Variants in UGGT2 observed in about 807,000 individuals in gnomAD.
The protein encoded by UGGT2 is UDP-glucose glycoprotein glucosyltransferase 2.
In UGGT2, 180 loss-of-function variants were observed where a neutral mutation model predicts 192.1. The ratio of observed to expected loss-of-function variants is 0.94; its 90% CI spans 0.83 to 1.06. The LOEUF (loss-of-function observed/expected upper bound fraction) is 1.06, where lower values mean the gene tolerates loss of function less well. Ranked by LOEUF, UGGT2 falls within the 50% of genes least tolerant of loss-of-function variation. UGGT2 has a pLI of 0.00. For missense variants in UGGT2, 1,849 were observed against 1,795.7 expected, an observed-to-expected ratio of 1.03 and a Z score of -0.54; for synonymous variants, 580 against 591.0, an observed-to-expected ratio of 0.98 and a Z score of 0.27.
At chr13:95,989,558 T>A (rs1306675100) in intron 8 of UGGT2, 1 of 400,784 alleles carries the variant, frequency 2.5e-6, no homozygotes, top group Non-Finnish European at 5.2e-6. Context: ...ATGTTTCCAT[T>A]AAACATTTAT....
chr13:95,849,895 G>T (rs1158600592), intron 36 of UGGT2, among the ~76,000 whole-genome samples: 4 of 146,430 alleles, frequency 2.7e-5, no homozygotes, highest in Non-Finnish European at 6.0e-5. Context: ...CTTTGACCTT[G>T]CTATAATCCC....
chr13:95,923,556 C>T (rs899373408), intron 20 of UGGT2, among the ~76,000 whole-genome samples: 3 of 151,710 alleles, frequency 2.0e-5, no homozygotes, highest in East Asian at 1.9e-4. Flanking sequence ...TTAGTGGAGA[C>T]AAAGTCATTT....
chr13:95,856,821 G>C (rs1703970692), intron 33 of UGGT2: 2 of 213,580 alleles, frequency 9.4e-6, no homozygotes, highest in Non-Finnish European at 1.9e-5. Context: ...CTTCATGTTT[G>C]AGATATATCA....
chr13:96,033,058 G>A (rs1046692222), intron 1 of UGGT2, among the ~76,000 whole-genome samples: 1 of 152,132 alleles, frequency 6.6e-6, no homozygotes, highest in African/African-American at 2.4e-5. Flanking sequence ...CAAAGTGATC[G>A]CCTTAAGAAA....
chr13:95,890,699 C>A (rs539392336), intron 25 of UGGT2, among the ~76,000 whole-genome samples, 163 bp downstream of exon 25: 3 of 152,232 alleles, frequency 2.0e-5, no homozygotes, highest in African/African-American at 7.2e-5. Context: ...CATAACAACA[C>A]CCTGTGCACA....
At chr13:96,000,234 T>C (rs555327524) in intron 5 of UGGT2, among the ~76,000 whole-genome samples, 4 of 152,178 alleles carry the variant, frequency 2.6e-5, no homozygotes, top group African/African-American at 4.8e-5. Flanking sequence ...TTTTGCATGA[T>C]AGAGGAAAAG....
intron 27 of UGGT2, among the ~76,000 whole-genome samples, chr13:95,882,674 T>C (rs939887444): frequency 2.0e-5 from 3 of 152,206 alleles, no homozygotes; most frequent in African/African-American, 7.2e-5. Flanking sequence ...ACTTCAGAGT[T>C]AGAGCTAGTG....
intron 13 of UGGT2, 100 bp from the exon 14 acceptor site, chr13:95,948,181 G>C (rs559627477): frequency 5.2e-6 from 4 of 765,180 alleles, no homozygotes; most frequent in South Asian, 5.2e-5. Flanking sequence ...GAAATTCAAT[G>C]TGTAATTTTT....
chr13:95,851,141 C>T (rs1245230534), intron 36 of UGGT2, among the ~76,000 whole-genome samples: 1 of 152,170 alleles, frequency 6.6e-6, no homozygotes, highest in African/African-American at 2.4e-5. Context: ...TCCTAATTTC[C>T]ATGTTAGAAT....
At chr13:95,831,019 A>G (rs942808262) in intron 38 of UGGT2, among the ~76,000 whole-genome samples, 4 of 152,156 alleles carry the variant, frequency 2.6e-5, no homozygotes, top group Non-Finnish European at 5.9e-5. Context: ...TCATCAAACT[A>G]TCACAAGGAC....
At chr13:95,910,509 T>C (rs1033122723) in intron 20 of UGGT2, among the ~76,000 whole-genome samples, 11 of 152,198 alleles carry the variant, frequency 7.2e-5, no homozygotes, top group African/African-American at 2.6e-4. Flanking sequence ...TACATAATGG[T>C]AAACGGATGA....
At chr13:95,818,411 TAAC>T (rs1278592929) in intron 38 of UGGT2, among the ~76,000 whole-genome samples, 1 of 152,018 alleles carries the variant, frequency 6.6e-6, no homozygotes, top group African/African-American at 2.4e-5. Context: ...TAATAATATA[TAAC>T]AACAAGAAGA....
chr13:96,024,285 C>A (rs2052600941), intron 2 of UGGT2, among the ~76,000 whole-genome samples: 1 of 152,094 alleles, frequency 6.6e-6, no homozygotes, highest in Admixed American at 6.5e-5. Context: ...AACAAACTAA[C>A]CTGAGCTGCG....
intron 7 of UGGT2, chr13:95,991,439 T>C: frequency 2.2e-6 from 1 of 454,374 alleles, no homozygotes; most frequent in Non-Finnish European, 4.4e-6. Context: ...GGTGTCTCAT[T>C]GAAAACACGT....
intron 10 of UGGT2, among the ~76,000 whole-genome samples, chr13:95,980,838 A>T (rs1325634987): frequency 1.3e-5 from 2 of 152,140 alleles, no homozygotes; most frequent in African/African-American, 4.8e-5. Context: ...CTCTACTAAA[A>T]ATACAAAAAT....
intron 21 of UGGT2, among the ~76,000 whole-genome samples, chr13:95,902,220 T>G (rs933428706): frequency 6.6e-6 from 1 of 152,132 alleles, no homozygotes; most frequent in African/African-American, 2.4e-5. Flanking sequence ...TGTATTTAAT[T>G]TATTTTCTCA....
chr13:95,910,371 G>T (rs1302590102), intron 20 of UGGT2, among the ~76,000 whole-genome samples: 3 of 152,046 alleles, frequency 2.0e-5, no homozygotes, highest in African/African-American at 4.8e-5. Flanking sequence ...ACACACATAG[G>T]CTCAAATAAA....
chr13:95,934,570 C>T (rs913433643), intron 17 of UGGT2, among the ~76,000 whole-genome samples: 2 of 152,118 alleles, frequency 1.3e-5, no homozygotes, highest in Admixed American at 6.5e-5. Context: ...TTAAAAAGCA[C>T]AGAGTGGCAA....
intron 22 of UGGT2, among the ~76,000 whole-genome samples, chr13:95,896,464 A>G (rs2047949213): frequency 6.6e-6 from 1 of 152,140 alleles, no homozygotes; most frequent in African/African-American, 2.4e-5. Flanking sequence ...AGCAACTTTG[A>G]AAGCACATTC....
Sources: gnomAD v4.1 joint callset for allele counts (sites outside exome capture counted in the v4.1 genomes callset) on GRCh38, gnomAD v4.1.1 for gene constraint, MANE v1.5 for transcripts, NCBI Gene and HGNC (gene_info 2026-07-23, HGNC 2026-07-21) for gene names.